The following MAD2L2 variants were observed in gnomAD, a reference collection of about 807,000 sequenced individuals.
MAD2L2 encodes the protein mitotic arrest deficient 2 like 2.
MAD2L2 carries 17 observed loss-of-function variants against 30.5 expected under a neutral mutation model. The ratio of observed to expected loss-of-function variants is 0.56; its 90% CI spans 0.38 to 0.84. MAD2L2 has a LOEUF of 0.84. MAD2L2 is among the 40% of genes least tolerant of loss of function. The pLI is 0.00. For missense variants in MAD2L2, 213 were observed against 277.4 expected (o/e 0.77, Z 1.65); for synonymous variants, 101 against 113.9 (o/e 0.89, Z 0.72).
chr1:11,683,541 G>A (rs1640910008), upstream of MAD2L2, among the ~76,000 whole-genome samples: 1 of 151,970 alleles, frequency 6.6e-6, no homozygotes, highest in Non-Finnish European at 1.5e-5. Context: ...GGAAGGTGAG[G>A]GAAGGGTGGG....
chr1:11,677,997 C>T (rs1201661497), intron 3 of MAD2L2, among the ~76,000 whole-genome samples: 1 of 144,292 alleles, frequency 6.9e-6, no homozygotes, highest in Admixed American at 7.3e-5. Flanking sequence ...GCGGAGGTTG[C>T]AGTGAGCCGA....
At chr1:11,680,838 G>C in intron 1 of MAD2L2, 1 of 1,225,668 alleles carries the variant, frequency 8.2e-7, no homozygotes, top group Non-Finnish European at 1.0e-6. Context: ...TCGCCCCGCT[G>C]TCTCGCGGGG....
At chr1:11,685,974 G>A (rs1049919188), upstream of MAD2L2, among the ~76,000 whole-genome samples, 4 of 152,048 alleles carry the variant, frequency 2.6e-5, no homozygotes, top group Middle Eastern at 3.2e-3. Flanking sequence ...AATAAATAAA[G>A]TGCACAATGC....
rs955081233 is a variant in MAD2L2, at chr1:11,690,521, A to T, written c.-692+892T>A. 6.6e-6 allele frequency among the ~76,000 whole-genome samples: 1 copy of T among 152,248 alleles called. No individual in the cohort carries two copies. Among genetic ancestry groups the T allele is most frequent in the African/African-American group, 2.4e-5 (1 of 41,478 alleles). On this transcript the variant is annotated intron_variant, in intron 1 of 10. Coordinates refer to the MAD2L2 transcript ENST00000235310. The surrounding 1 kb of genome is among the most constrained non-coding windows in gnomAD (Gnocchi z 4.2). ...GGTCAGGCGACTTGCTCGAGGTCAT[A>T]GGGGACGGCATCAGAAGAGGAACAC...
intron 5 of MAD2L2, among the ~76,000 whole-genome samples, chr1:11,676,640 C>G (rs535649010): frequency 6.6e-6 from 1 of 152,206 alleles, no homozygotes; most frequent in South Asian, 2.1e-4. Context: ...TGGGCTCTGC[C>G]CCCACCCAGG....
intron 5 of MAD2L2, 77 bp from the exon 6 acceptor site, chr1:11,676,217 TG>T (rs1397511192): frequency 6.3e-6 from 6 of 950,626 alleles, no homozygotes; most frequent in Non-Finnish European, 8.0e-6. Context: ...GATGCAGACC[TG>T]GGGTACAAGA....
upstream of MAD2L2, among the ~76,000 whole-genome samples, chr1:11,684,165 C>T (rs1438650669): frequency 6.6e-6 from 1 of 151,066 alleles, no homozygotes; most frequent in Non-Finnish European, 1.5e-5. Flanking sequence ...CCTCAGGTTC[C>T]ATGGGGGCGG....
In MAD2L2 at chr1:11,676,968, C is replaced by G; in HGVS notation, c.232-20G>C. 1.3e-6 allele frequency: 2 copies of G among 1,589,350 alleles called. No homozygotes were observed. Among genetic ancestry groups the G allele is most frequent in the Non-Finnish European group, 1.7e-6 (2 of 1,157,692 alleles). On this transcript the variant is annotated intron_variant, in intron 4 of 8. Transcript: ENST00000376692. The stretch of plus-strand genomic sequence containing the variant: ...ATCATTCTGCAAAGAGAGGAACCCC[C>G]ACTGCAGAGCCAGGCACCCCACCCC...
intron 7 of MAD2L2, 110 bp downstream of exon 7, chr1:11,675,548 G>C: frequency 9.3e-7 from 1 of 1,078,342 alleles, no homozygotes; most frequent in Non-Finnish European, 1.4e-6. Flanking sequence ...GCCAGGCGCT[G>C]CCACACCAAT....
upstream of MAD2L2, among the ~76,000 whole-genome samples, chr1:11,683,174 G>T (rs1199694726): frequency 6.6e-6 from 1 of 152,200 alleles, no homozygotes; most frequent in East Asian, 1.9e-4. Flanking sequence ...TCAGGACACA[G>T]TGTGAGGGGC....
At position 11,680,615 on chromosome 1, in the gene MAD2L2, T is replaced by G; in HGVS notation, c.-12-2A>C. On this transcript the variant is annotated splice_acceptor_variant, in intron 1 of 8. Coordinates refer to ENST00000376692, the MANE Select transcript of MAD2L2 (RefSeq NM_006341.4). LOFTEE classifies it low-confidence loss of function (5UTR_SPLICE). ...GAGCGTGGTCATCCTTCCCGCTACCTGAGTGTTGGGGCAAGGGCAGAGGGT... is the reference window on the plus strand; with the variant it reads ...GAGCGTGGTCATCCTTCCCGCTACCGGAGTGTTGGGGCAAGGGCAGAGGGT... The G allele has an allele frequency of 6.4e-7, 1 of 1,557,638 alleles. No individual in the cohort carries two copies. The highest frequency in any genetic ancestry group is 8.7e-7 in the Non-Finnish European group (1 of 1,148,910).
At chr1:11,678,123 T>G (rs1640804283) in intron 3 of MAD2L2, among the ~76,000 whole-genome samples, 1 of 147,680 alleles carries the variant, frequency 6.8e-6, no homozygotes, top group African/African-American at 2.5e-5. Flanking sequence ...AGTTAGAAGA[T>G]AAGAACTCAG....
In MAD2L2 at chr1:11,674,645, G is replaced by T; in HGVS notation, c.*130C>A. On this transcript the variant is annotated 3_prime_UTR_variant, in exon 9 of 9. Coordinates refer to ENST00000376692, the MANE Select transcript of MAD2L2 (RefSeq NM_006341.4). This position sits in a 1 kb window ranked among gnomAD's most constrained non-coding sequence, Gnocchi z 6.1. The stretch of plus-strand genomic sequence containing the variant: ...TCCAAGCAGACCTGAGCGGCCCCGG[G>T]CTGGGGCGGGCGATCCACACACAGA... The T allele has an allele frequency of 1.0e-6, 1 of 984,682 alleles. No homozygotes were observed. The highest frequency in any genetic ancestry group is 1.6e-6 in the Non-Finnish European group (1 of 637,294). 61.0% of individuals were successfully genotyped at this position (984,682 alleles called of 1,614,324 possible). A position where few individuals can be genotyped will look rare whatever the true frequency, so the allele number is the denominator to read the frequency against.
chr1:11,679,993 T>TTTTG (rs1640841594), intron 3 of MAD2L2, among the ~76,000 whole-genome samples: 2 of 85,494 alleles, frequency 2.3e-5, no homozygotes, highest in African/African-American at 9.2e-5. Context: ...AGGTTTTTTT[T>TTTTG]TTTTTTTTTT....
At chr1:11,684,930 T>C (rs72869752), upstream of MAD2L2, among the ~76,000 whole-genome samples, 2,303 of 18,396 alleles carry the variant, frequency 0.13, 52 homozygotes, top group African/African-American at 0.23. Context: ...CTCTCTCTCT[T>C]TTTTTTTTTT....
In MAD2L2 at chr1:11,688,569, A is replaced by G. The variant is rs2100721604; in HGVS notation, c.-692+2844T>C. ...GAGCAAGACTGCATCTCAAAAAAAA[A>G]AAAGAAAAAGCAATCAGCAAACCTG... On this transcript the variant is annotated intron_variant, in intron 1 of 10. Transcript: ENST00000235310. The surrounding 1 kb of genome is among the most constrained non-coding windows in gnomAD (Gnocchi z 4.6). 6.6e-6 allele frequency among the ~76,000 whole-genome samples: 1 copy of G among 152,266 alleles called. No homozygotes were observed. Among genetic ancestry groups the G allele is most frequent in the Admixed American group, 6.5e-5 (1 of 15,292 alleles).
At position 11,674,618 on chromosome 1, in the gene MAD2L2, C is replaced by G. The variant is rs1640723897; in HGVS notation, c.*157G>C. On this transcript the variant is annotated 3_prime_UTR_variant, in exon 9 of 9. Coordinates refer to ENST00000376692, the MANE Select transcript of MAD2L2 (RefSeq NM_006341.4). The surrounding 1 kb of genome is among the most constrained non-coding windows in gnomAD (Gnocchi z 6.1). The stretch of plus-strand genomic sequence containing the variant: ...CTCACTGCCCTCCTGGGGGAGGCAT[C>G]CTCCAAGCAGACCTGAGCGGCCCCG... 1 of 709,596 alleles carries G rather than the reference C, an allele frequency of 1.4e-6. No homozygotes were observed. Among genetic ancestry groups the G allele is most frequent in the South Asian group, 1.8e-5 (1 of 57,078 alleles). The allele number at this position is 709,596 out of a possible 1,614,324, so 44.0% of individuals were successfully genotyped here.
intron 3 of MAD2L2, among the ~76,000 whole-genome samples, chr1:11,678,001 G>A (rs1313119954): frequency 6.8e-6 from 1 of 147,198 alleles, no homozygotes; most frequent in Non-Finnish European, 1.5e-5. Flanking sequence ...AGGTTGCAGT[G>A]AGCCGAGATC....
chr1:11,683,389 GTCAACTA>G (rs1323240589), upstream of MAD2L2, among the ~76,000 whole-genome samples: 10 of 152,192 alleles, frequency 6.6e-5, no homozygotes, highest in African/African-American at 2.4e-4. Flanking sequence ...TACCCACCCT[GTCAACTA>G]GAAACCTGTG....
Sources: gnomAD v4.1 joint callset for allele counts (sites outside exome capture counted in the v4.1 genomes callset) on GRCh38, gnomAD v4.1.1 for gene constraint, Gnocchi (gnomAD v3.1) non-coding constraint, MANE v1.5 for transcripts, NCBI Gene and HGNC (gene_info 2026-07-23, HGNC 2026-07-21) for gene names.